The following PTPRD variants were observed in gnomAD, a reference collection of about 807,000 sequenced individuals.
PTPRD encodes protein tyrosine phosphatase receptor type D.
A neutral mutation model predicts 214.5 loss-of-function variants in PTPRD; 34 were observed. The observed-to-expected ratio is 0.16, with a 90% CI of 0.12 to 0.21. The LOEUF (loss-of-function observed/expected upper bound fraction) is 0.21, where lower values mean the gene tolerates loss of function less well. Ranked by LOEUF, PTPRD falls within the 10% of genes least tolerant of loss-of-function variation. The probability of loss-of-function intolerance (pLI) is 1.00; values close to 1 mark genes in which losing one functional copy is unlikely to be tolerated. For synonymous variants in PTPRD, 1,128 were observed against 845.7 expected (o/e 1.33, Z -5.79); for missense variants, 2,545 against 2,398.7 (o/e 1.06, Z -1.27).
chr9:9,934,548 G>A (rs1176103819), intron 5 of PTPRD, among the ~76,000 whole-genome samples: 63 of 151,292 alleles, frequency 4.2e-4, no homozygotes, highest in Non-Finnish European at 3.1e-4. Context: ...TCTCTGAATA[G>A]ACCAATAACA....
At chr9:10,068,868 C>T (rs546433828) in intron 3 of PTPRD, among the ~76,000 whole-genome samples, 47 of 152,060 alleles carry the variant, frequency 3.1e-4, no homozygotes, top group African/African-American at 1.1e-3. Flanking sequence ...CTTTTAAATG[C>T]ACCCTACATA....
intron 8 of PTPRD, among the ~76,000 whole-genome samples, chr9:9,480,863 A>G (rs1046600824): frequency 1.3e-5 from 2 of 152,148 alleles, no homozygotes; most frequent in African/African-American, 2.4e-5. Flanking sequence ...TGAAAGAAGA[A>G]AGGACTGCTA....
intron 2 of PTPRD, among the ~76,000 whole-genome samples, chr9:10,433,096 A>G (rs527399887): frequency 6.6e-6 from 1 of 151,988 alleles, no homozygotes; most frequent in Non-Finnish European, 1.5e-5. Flanking sequence ...ACAATGATGT[A>G]TGTGTTTGTC....
At chr9:9,230,359 TA>T (rs1181855074) in intron 9 of PTPRD, among the ~76,000 whole-genome samples, 1 of 152,116 alleles carries the variant, frequency 6.6e-6, no homozygotes, top group African/African-American at 2.4e-5. Context: ...GAGGGTGGCG[TA>T]CCCAGGTAGG....
chr9:8,816,223 C>T (rs1373777542), intron 11 of PTPRD, among the ~76,000 whole-genome samples: 1 of 152,150 alleles, frequency 6.6e-6, no homozygotes, highest in Non-Finnish European at 1.5e-5. Context: ...CAGACATTAG[C>T]TTTAGGAAAT....
chr9:10,032,647 T>C (rs932698544), intron 4 of PTPRD, among the ~76,000 whole-genome samples: 3 of 152,140 alleles, frequency 2.0e-5, no homozygotes, highest in Non-Finnish European at 2.9e-5. Context: ...ATGCAGTATA[T>C]CTATTCAATC....
chr9:10,465,855 G>A (rs760929417), intron 2 of PTPRD, among the ~76,000 whole-genome samples: 14 of 152,212 alleles, frequency 9.2e-5, no homozygotes, highest in Middle Eastern at 3.4e-3. Flanking sequence ...GTTAAGCAGC[G>A]CATGACTGTT....
At chr9:9,617,260 C>T (rs1403093035) in intron 7 of PTPRD, among the ~76,000 whole-genome samples, 3 of 152,094 alleles carry the variant, frequency 2.0e-5, no homozygotes, top group African/African-American at 2.4e-5. Context: ...AATTAGACTC[C>T]TCGTAGCCAG....
intron 12 of PTPRD, among the ~76,000 whole-genome samples, chr9:8,697,379 T>A (rs1311230812): frequency 6.6e-6 from 1 of 151,418 alleles, no homozygotes; most frequent in Non-Finnish European, 1.5e-5. Flanking sequence ...AGTTTGTTGT[T>A]GATTTGGGAT....
chr9:8,931,368 T>C (rs10453213), intron 11 of PTPRD, among the ~76,000 whole-genome samples: 54,288 of 151,590 alleles, frequency 0.36, 9,768 homozygotes, highest in Middle Eastern at 0.41. Flanking sequence ...TCTCTAGCCT[T>C]GTAGTATAGT....
At chr9:10,508,925 C>T (rs547447142) in intron 2 of PTPRD, among the ~76,000 whole-genome samples, 4 of 151,954 alleles carry the variant, frequency 2.6e-5, no homozygotes, top group African/African-American at 9.7e-5. Context: ...CACATGTACC[C>T]TAGAACTTAG....
At chr9:8,563,789 G>A (rs1472479530) in intron 14 of PTPRD, among the ~76,000 whole-genome samples, 1 of 152,136 alleles carries the variant, frequency 6.6e-6, no homozygotes, top group Admixed American at 6.5e-5. Flanking sequence ...AGCCTCCAGA[G>A]TAGCTGGGAC....
At chr9:9,568,152 G>T (rs1028470888) in intron 8 of PTPRD, among the ~76,000 whole-genome samples, 1 of 151,792 alleles carries the variant, frequency 6.6e-6, no homozygotes, top group African/African-American at 2.4e-5. Context: ...TGTATAATAA[G>T]AAGCCTTTCT....
At chr9:9,162,758 C>T (rs146602053) in intron 10 of PTPRD, among the ~76,000 whole-genome samples, 366 of 152,136 alleles carry the variant, frequency 2.4e-3, no homozygotes, top group African/African-American at 8.0e-3. Flanking sequence ...TACCCCTTTA[C>T]GGTCAAAATT....
rs76620844 is a variant in PTPRD at position 9,731,342 on chromosome 9, A to G, written c.-287+3191T>C. 2.3e-3 allele frequency among the ~76,000 whole-genome samples: 354 copies of G among 152,254 alleles called. 4 individuals carry two copies. In the East Asian group the frequency reaches 0.036, roughly 16 times the overall value. On this transcript the variant is annotated intron_variant, in intron 7 of 45. Transcript: ENST00000381196. The stretch of plus-strand genomic sequence containing the variant: ...TCTCAAATGGCACTCAGTTTTGTAG[A>G]GTGTATCATGATAATTCAGAATGTT...
intron 11 of PTPRD, among the ~76,000 whole-genome samples, chr9:8,772,415 C>T (rs1465423206): frequency 1.3e-5 from 2 of 151,298 alleles, no homozygotes; most frequent in African/African-American, 4.9e-5. Flanking sequence ...TTAAAAACCT[C>T]AAGCAGAAGA....
intron 3 of PTPRD, among the ~76,000 whole-genome samples, chr9:10,100,101 G>C (rs1441517570): frequency 6.6e-6 from 1 of 151,574 alleles, no homozygotes; most frequent in Non-Finnish European, 1.5e-5. Flanking sequence ...GATATGTTTT[G>C]AGAAATGCTT....
At chr9:8,929,917 GTA>G (rs200428874) in intron 11 of PTPRD, among the ~76,000 whole-genome samples, 31,363 of 79,046 alleles carry the variant, frequency 0.4, 9,069 homozygotes, top group East Asian at 0.9. Context: ...ATATGTGTGT[GTA>G]TATATATATG....
intron 11 of PTPRD, among the ~76,000 whole-genome samples, chr9:8,838,259 A>G (rs2097481449): frequency 6.6e-6 from 1 of 152,066 alleles, no homozygotes; most frequent in Non-Finnish European, 1.5e-5. Flanking sequence ...AAAAAAAAAG[A>G]GTACTGCAAA....
Sources: allele counts gnomAD v4.1 joint callset (sites outside exome capture counted in the v4.1 genomes callset), GRCh38; gene constraint gnomAD v4.1.1; transcripts MANE v1.5; gene names NCBI Gene and HGNC (gene_info 2026-07-23, HGNC 2026-07-21).